SNTG1: variants seen among roughly 807,000 people sequenced by gnomAD.
SNTG1 encodes the protein syntrophin gamma 1.
In SNTG1, 39 loss-of-function variants were observed where a neutral mutation model predicts 74.7. That is an observed-to-expected ratio of 0.52 (90% CI 0.40 to 0.68). The LOEUF is 0.68. SNTG1 is among the 30% of genes least tolerant of loss of function. The pLI is 0.00. For synonymous variants in SNTG1, 254 were observed against 217.1 expected (o/e 1.17, Z -1.49); for missense variants, 685 against 609.5 (o/e 1.12, Z -1.30).
chr8:50,303,668 G>T (rs75623131), intron 2 of SNTG1, among the ~76,000 whole-genome samples: 10,529 of 151,828 alleles, frequency 0.069, 407 homozygotes, highest in African/African-American at 0.086. Context: ...AGTCTTTTTG[G>T]TCTTTTGTTT....
intron 1 of SNTG1, among the ~76,000 whole-genome samples, chr8:49,934,231 A>G (rs1057164509): frequency 2.0e-5 from 3 of 152,066 alleles, no homozygotes; most frequent in African/African-American, 7.2e-5. Flanking sequence ...CCTTGCAGCA[A>G]GCATCTTTCC....
At chr8:50,380,209 A>C (rs2131220239) in intron 2 of SNTG1, among the ~76,000 whole-genome samples, 1 of 152,336 alleles carries the variant, frequency 6.6e-6, no homozygotes, top group South Asian at 2.1e-4. Context: ...ACATATTGTT[A>C]AATGAACAAA....
rs1360837426 is a variant in SNTG1 at position 50,394,965 on chromosome 8, AT to A, written c.27+707del. Among the ~76,000 whole-genome samples, 11 of 151,858 alleles carry A rather than the reference AT, an allele frequency of 7.2e-5. No individual in the cohort carries two copies. In the East Asian group the frequency reaches 1.9e-3, roughly 27 times the overall value. ...TATATTTGTTTAAAAGGTTTAAAGC[AT>A]TTTTTTATTGTATATAAACAACTCA... is the stretch of plus-strand genomic sequence containing the variant. On this transcript the variant is annotated intron_variant, in intron 3 of 18. Transcript: ENST00000642720.
At chr8:50,662,918 T>A (rs931095759) in intron 15 of SNTG1, among the ~76,000 whole-genome samples, 1 of 152,198 alleles carries the variant, frequency 6.6e-6, no homozygotes, top group African/African-American at 2.4e-5. Flanking sequence ...GTACCTTCTA[T>A]GTGCCAAGCA....
rs1456319542 is a variant in SNTG1, at chr8:50,338,679, AG to A, written c.-27-55531del. On this transcript the variant is annotated intron_variant, in intron 2 of 18. Coordinates refer to ENST00000642720, the MANE Select transcript of SNTG1 (RefSeq NM_018967.5). ...GAAATTATTAAACTGGATACAGCTA[AG>A]GAAAAAAATAGTGAGCTTGAAGATA... 5.3e-5 allele frequency among the ~76,000 whole-genome samples: 8 copies of A among 152,168 alleles called. No homozygotes were observed. In the East Asian group the frequency reaches 1.3e-3, roughly 26 times the overall value.
intron 1 of SNTG1, among the ~76,000 whole-genome samples, chr8:50,165,002 T>A (rs917555250): frequency 6.6e-6 from 1 of 152,146 alleles, no homozygotes; most frequent in Non-Finnish European, 1.5e-5. Flanking sequence ...CTCTAACTCA[T>A]AGAAACTATG....
In SNTG1 at chr8:50,794,649, G is replaced by A. The variant is rs1332315822; in HGVS notation, c.*1820G>A. 6.6e-6 allele frequency: 1 copy of A among 151,968 alleles called. No individual in the cohort carries two copies. Among genetic ancestry groups the A allele is most frequent in the African/African-American group, 2.4e-5 (1 of 41,426 alleles). The allele number at this position is 151,968 out of a possible 1,614,324, so 9.4% of individuals were successfully genotyped here. A position where few individuals can be genotyped will look rare whatever the true frequency, so the allele number is the denominator to read the frequency against. On this transcript the variant is annotated 3_prime_UTR_variant, in exon 19 of 19. Coordinates refer to ENST00000642720, the MANE Select transcript of SNTG1 (RefSeq NM_018967.5). ...CCACTTCTGAACTTATGGAGAAAAA[G>A]CAGTGGGATACATCGAACTTAGAAT...
At chr8:50,433,043 G>A (rs2093257898) in intron 4 of SNTG1, among the ~76,000 whole-genome samples, 1 of 152,102 alleles carries the variant, frequency 6.6e-6, no homozygotes, top group Admixed American at 6.6e-5. Context: ...ACCTGCCTCG[G>A]CCTCCCAAAG....
At chr8:50,094,132 G>C (rs985754291) in intron 1 of SNTG1, among the ~76,000 whole-genome samples, 2 of 152,062 alleles carry the variant, frequency 1.3e-5, no homozygotes, top group African/African-American at 4.8e-5. Context: ...AGTGTGCAGG[G>C]AGGGTAGGAA....
At chr8:50,054,132 C>T (rs1158416482) in intron 1 of SNTG1, among the ~76,000 whole-genome samples, 1 of 152,080 alleles carries the variant, frequency 6.6e-6, no homozygotes, top group East Asian at 1.9e-4. Flanking sequence ...CCCAAATCTC[C>T]AATTTCAGCA....
intron 4 of SNTG1, among the ~76,000 whole-genome samples, chr8:50,428,342 A>G (rs1236087199): frequency 6.6e-6 from 1 of 152,074 alleles, no homozygotes; most frequent in African/African-American, 2.4e-5. Flanking sequence ...AAAGAATAGA[A>G]CAGGGGATGA....
intron 15 of SNTG1, among the ~76,000 whole-genome samples, chr8:50,694,437 A>G (rs921158300): frequency 4.6e-5 from 7 of 152,162 alleles, no homozygotes; most frequent in Admixed American, 2.0e-4. Flanking sequence ...AGACTGAATT[A>G]GTAATAAGAA....
chr8:50,619,702 G>T (rs988063063), intron 13 of SNTG1, among the ~76,000 whole-genome samples: 1 of 145,730 alleles, frequency 6.9e-6, no homozygotes, highest in African/African-American at 2.6e-5. Flanking sequence ...CTGCACTGCA[G>T]CCTGGGCGAC....
intron 8 of SNTG1, among the ~76,000 whole-genome samples, chr8:50,480,708 T>C (rs1339577009): frequency 6.6e-6 from 1 of 152,218 alleles, no homozygotes; most frequent in East Asian, 1.9e-4. Context: ...TTTTGTATTC[T>C]TTACAAAATT....
chr8:50,694,196 G>C lies in SNTG1; in HGVS notation c.1039-10404G>C, dbSNP rs141667744. Among the ~76,000 whole-genome samples, 550 of 150,428 alleles carry C rather than the reference G, an allele frequency of 3.7e-3. 7 individuals carry two copies. Among genetic ancestry groups the C allele is most frequent in the African/African-American group, 0.013 (515 of 41,116 alleles). On this transcript the variant is annotated intron_variant, in intron 15 of 18. Coordinates refer to ENST00000642720, the MANE Select transcript of SNTG1 (RefSeq NM_018967.5). ...AAATGTATCATATTCACAACCTTTAGCTAAACTAAGAAAAAAGATAAGAGA... is the reference window on the plus strand; with the variant it reads ...AAATGTATCATATTCACAACCTTTACCTAAACTAAGAAAAAAGATAAGAGA...
chr8:50,306,232 C>A (rs554294602), intron 2 of SNTG1, among the ~76,000 whole-genome samples: 1 of 152,040 alleles, frequency 6.6e-6, no homozygotes, highest in East Asian at 1.9e-4. Flanking sequence ...TATTTCATTC[C>A]ATTTTATTAC....
intron 15 of SNTG1, among the ~76,000 whole-genome samples, chr8:50,662,721 G>C (rs1257102279): frequency 6.6e-6 from 1 of 151,970 alleles, no homozygotes; most frequent in African/African-American, 2.4e-5. Context: ...TCAGAAAAAG[G>C]AATTTGGCAA....
At chr8:50,746,845 A>T (rs2095556173) in intron 17 of SNTG1, among the ~76,000 whole-genome samples, 1 of 147,654 alleles carries the variant, frequency 6.8e-6, no homozygotes, top group Non-Finnish European at 1.5e-5. Flanking sequence ...ATAATATATA[A>T]TATATTATAT....
intron 2 of SNTG1, among the ~76,000 whole-genome samples, chr8:50,312,079 G>GA (rs11286588): frequency 1.3e-5 from 2 of 151,856 alleles, no homozygotes; most frequent in Admixed American, 1.3e-4. Context: ...TTTTAAAATA[G>GA]AAAAAAATCC....
Sources: allele counts gnomAD v4.1 joint callset (sites outside exome capture counted in the v4.1 genomes callset), GRCh38; gene constraint gnomAD v4.1.1; transcripts MANE v1.5; gene names NCBI Gene and HGNC (gene_info 2026-07-23, HGNC 2026-07-21).